The following NIPBL variants were observed in gnomAD, a reference collection of about 807,000 sequenced individuals.
NIPBL encodes NIPBL cohesin loading factor, also known as nipped-B-like protein.
Under a neutral mutation model 321.8 loss-of-function variants are expected in NIPBL, and 19 were observed. The ratio of observed to expected loss-of-function variants is 0.06; its 90% CI spans 0.04 to 0.09. The LOEUF (loss-of-function observed/expected upper bound fraction) is 0.09, where lower values mean the gene tolerates loss of function less well. Among genes scored for constraint, NIPBL ranks in the 10% least tolerant of loss-of-function variants. The probability of loss-of-function intolerance (pLI) is 1.00; values close to 1 mark genes in which losing one functional copy is unlikely to be tolerated. For missense variants in NIPBL, 2,210 were observed against 3,327.0 expected (o/e 0.66, Z 8.26); for synonymous variants, 1,106 against 1,114.1 (o/e 0.99, Z 0.14).
At chr5:36,986,781 A>G (rs908794298) in intron 10 of NIPBL, among the ~76,000 whole-genome samples, 1 of 152,194 alleles carries the variant, frequency 6.6e-6, no homozygotes, top group South Asian at 2.1e-4. Flanking sequence ...TTAGTTAAAT[A>G]TGTTTTATAT....
In NIPBL at chr5:36,902,319, A is replaced by C. The variant is rs1476032514; in HGVS notation, c.-80+25141A>C. Among the ~76,000 whole-genome samples, 7 of 152,238 alleles carry C rather than the reference A, an allele frequency of 4.6e-5. No homozygotes were observed. The East Asian group carries it at 9.6e-4, about 21-fold the overall frequency. On this transcript the variant is annotated intron_variant, in intron 1 of 46. Transcript: ENST00000282516. The stretch of plus-strand genomic sequence containing the variant: ...TGCAGTTGCTTTTGAAGTCTTCATC[A>C]TGAAATCTTTGCCAGGGCTGATGTC...
intron 40 of NIPBL, chr5:37,050,988 T>G (rs1753479648): frequency 6.6e-6 from 1 of 152,154 alleles, no homozygotes; most frequent in Admixed American, 6.6e-5. Context: ...CGCCACCACC[T>G]GGCTAATTTT....
rs183653775 is a variant in NIPBL at position 37,062,685 on chromosome 5, C to G, written c.7861-1105C>G. ...CTGTAATCTTAGCACCTTGGGAGGC[C>G]TATGTAGGAGGTTTGCTTGAGTCCA... On this transcript the variant is annotated intron_variant, in intron 45 of 46. Coordinates refer to ENST00000282516, the MANE Select transcript of NIPBL (RefSeq NM_133433.4). Among the ~76,000 whole-genome samples the G allele has an allele frequency of 1.8e-4, 27 of 152,274 alleles. 1 individual carries two copies. Among genetic ancestry groups the G allele is most frequent in the Admixed American group, 1.8e-3 (27 of 15,288 alleles).
chr5:37,023,519 T>C (rs938620168), intron 29 of NIPBL, among the ~76,000 whole-genome samples: 6 of 152,162 alleles, frequency 3.9e-5, no homozygotes, highest in African/African-American at 1.4e-4. Context: ...TTTTACTTCT[T>C]TTCTTGTGAA....
rs1216334424 is a variant in NIPBL at position 36,876,911 on chromosome 5, A to G, written c.-347A>G. 7.3e-6 allele frequency: 2 copies of G among 275,070 alleles called. No homozygotes were observed. Among genetic ancestry groups the G allele is most frequent in the Non-Finnish European group, 1.3e-5 (2 of 150,280 alleles). 17.0% of individuals were successfully genotyped at this position (275,070 alleles called of 1,614,324 possible). ...GGAGGGACGCCCCCGCCGACAGGAG[A>G]ATTGGTTCCCGGGCCCGCGGCGATG... On this transcript the variant is annotated 5_prime_UTR_variant, in exon 1 of 47. Transcript: ENST00000282516.
intron 1 of NIPBL, among the ~76,000 whole-genome samples, chr5:36,913,350 A>G (rs886820130): frequency 3.4e-5 from 5 of 147,892 alleles, no homozygotes; most frequent in East Asian, 2.0e-4. Context: ...GTAAAAATGT[A>G]TTTTTATAAA....
chr5:37,015,912 TTATA>T, intron 22 of NIPBL, 122 bp from the exon 23 acceptor site: 3 of 806,982 alleles, frequency 3.7e-6, no homozygotes, highest in Non-Finnish European at 6.1e-6. Flanking sequence ...TAATGTACAT[TTATA>T]TATTTTGTTA....
chr5:37,011,877 A>G (rs1448051926), intron 21 of NIPBL, among the ~76,000 whole-genome samples: 1 of 152,220 alleles, frequency 6.6e-6, no homozygotes, highest in Non-Finnish European at 1.5e-5. Flanking sequence ...ACTTAAAGCA[A>G]AAGTTTCTGT....
At chr5:36,960,460 GGAAAA>G (rs1195583186) in intron 4 of NIPBL, among the ~76,000 whole-genome samples, 1 of 151,882 alleles carries the variant, frequency 6.6e-6, no homozygotes, top group Admixed American at 6.6e-5. Flanking sequence ...AGTTTGAGTT[GGAAAA>G]GAAAAGTCAG....
intron 6 of NIPBL, among the ~76,000 whole-genome samples, chr5:36,962,938 A>G (rs781550882): frequency 6.6e-6 from 1 of 152,140 alleles, no homozygotes; most frequent in Non-Finnish European, 1.5e-5. Flanking sequence ...ATTGGAACCA[A>G]TCCCTCATGG....
intron 25 of NIPBL, 73 bp from the exon 26 acceptor site, chr5:37,020,386 C>T: frequency 1.0e-6 from 1 of 977,168 alleles, no homozygotes; most frequent in Non-Finnish European, 1.6e-6. Flanking sequence ...GTAATGTGAG[C>T]ACTCTAACTT....
chr5:36,934,089 A>G (rs1749981866), intron 1 of NIPBL, among the ~76,000 whole-genome samples: 1 of 152,108 alleles, frequency 6.6e-6, no homozygotes, highest in South Asian at 2.1e-4. Context: ...CATCATTTTA[A>G]CTACATGAAC....
rs573326916 is a variant in NIPBL, at chr5:37,023,776, A to G, written c.5575-809A>G. Among the ~76,000 whole-genome samples the G allele has an allele frequency of 1.9e-3, 114 of 60,952 alleles. 1 individual carries two copies. The highest frequency in any genetic ancestry group is 8.2e-3 in the African/African-American group (111 of 13,572). 40.0% of individuals were successfully genotyped at this position (60,952 alleles called of 152,430 possible). ...TTTTTTTTTTTTTTTTTTTTTTTTTACATCCCATATGACATTGACGGATTA... is the reference window on the plus strand; with the variant it reads ...TTTTTTTTTTTTTTTTTTTTTTTTTGCATCCCATATGACATTGACGGATTA... On this transcript the variant is annotated intron_variant, in intron 29 of 46. Transcript: ENST00000282516.
intron 30 of NIPBL, among the ~76,000 whole-genome samples, chr5:37,025,350 T>A (rs190317796): frequency 1.3e-5 from 2 of 152,356 alleles, no homozygotes; most frequent in Admixed American, 1.3e-4. Context: ...AATTTTCAAA[T>A]GATTTTAGTT....
At chr5:36,901,801 A>G (rs1025734011) in intron 1 of NIPBL, among the ~76,000 whole-genome samples, 40 of 152,014 alleles carry the variant, frequency 2.6e-4, no homozygotes, top group Admixed American at 2.6e-3. Context: ...GAGCCACTGC[A>G]CCCAGCCCTA....
chr5:36,889,162 A>G (rs1746136653), intron 1 of NIPBL, among the ~76,000 whole-genome samples: 1 of 152,172 alleles, frequency 6.6e-6, no homozygotes, highest in Non-Finnish European at 1.5e-5. Context: ...CAAGTTTTAT[A>G]GAGGAAAGAA....
chr5:36,964,566 A>G (rs1415363408), intron 6 of NIPBL, among the ~76,000 whole-genome samples: 1 of 152,190 alleles, frequency 6.6e-6, no homozygotes, highest in Non-Finnish European at 1.5e-5. Flanking sequence ...AATCTGAGAC[A>G]TGAAACTACT....
chr5:36,907,460 A>T (rs1248978334), intron 1 of NIPBL, among the ~76,000 whole-genome samples: 1 of 152,216 alleles, frequency 6.6e-6, no homozygotes, highest in Non-Finnish European at 1.5e-5. Context: ...ATATTTATTT[A>T]TAAGTTTAAG....
At chr5:36,922,696 T>C (rs921295492) in intron 1 of NIPBL, among the ~76,000 whole-genome samples, 12 of 152,226 alleles carry the variant, frequency 7.9e-5, no homozygotes, top group African/African-American at 2.9e-4. Flanking sequence ...ACTCTGAGGT[T>C]CATGTACTTA....
Sources: gnomAD v4.1 joint callset for allele counts (sites outside exome capture counted in the v4.1 genomes callset) on GRCh38, gnomAD v4.1.1 for gene constraint, MANE v1.5 for transcripts, NCBI Gene and HGNC (gene_info 2026-07-23, HGNC 2026-07-21) for gene names.